Variants in NKAIN3 observed in about 807,000 individuals in gnomAD.
NKAIN3 encodes sodium/potassium transporting ATPase interacting 3.
NKAIN3 carries 25 observed loss-of-function variants against 30.2 expected under a neutral mutation model. The ratio of observed to expected loss-of-function variants is 0.83; its 90% CI spans 0.60 to 1.16. The LOEUF (loss-of-function observed/expected upper bound fraction) is 1.16, where lower values mean the gene tolerates loss of function less well. NKAIN3 is among the 50% of genes most tolerant of loss of function. NKAIN3 has a pLI of 0.00. For missense variants in NKAIN3, 225 were observed against 254.1 expected, an observed-to-expected ratio of 0.89 and a Z score of 0.78; for synonymous variants, 91 against 89.6, an observed-to-expected ratio of 1.02 and a Z score of -0.09.
intron 1 of NKAIN3, among the ~76,000 whole-genome samples, chr8:62,484,316 C>CA (rs1294155427): frequency 6.6e-6 from 1 of 152,230 alleles, no homozygotes; most frequent in Non-Finnish European, 1.5e-5. Context: ...CCTACCCCAA[C>CA]ACCCACCATG....
intron 4 of NKAIN3, among the ~76,000 whole-genome samples, chr8:62,771,895 C>G (rs1205771408): frequency 2.0e-5 from 3 of 152,068 alleles, no homozygotes; most frequent in Non-Finnish European, 4.4e-5. Flanking sequence ...TATATTTATC[C>G]TTTCTTTGTG....
chr8:62,736,718 G>C (rs182708713), intron 3 of NKAIN3, among the ~76,000 whole-genome samples: 46 of 152,218 alleles, frequency 3.0e-4, no homozygotes, highest in South Asian at 8.3e-4. Flanking sequence ...CCCAGATTCT[G>C]TCCAGGAAAA....
In NKAIN3 at chr8:62,351,642, C is replaced by CT. The variant is rs200758442; in HGVS notation, c.54+102516dup. Among the ~76,000 whole-genome samples, 1,045 of 152,068 alleles carry CT rather than the reference C, an allele frequency of 6.9e-3. 9 individuals are homozygous for CT. The highest frequency in any genetic ancestry group is 0.022 in the African/African-American group (911 of 41,502). On this transcript the variant is annotated intron_variant, in intron 1 of 6. Transcript: ENST00000623646. ...GCAAATTGGACAAATTATAACTTCACTACACCTCAGGTATTTTGTTTATGA... is the reference window on the plus strand; with the variant it reads ...GCAAATTGGACAAATTATAACTTCACTTACACCTCAGGTATTTTGTTTATGA...
chr8:62,793,863 A>C (rs1817770264), intron 4 of NKAIN3, among the ~76,000 whole-genome samples: 1 of 152,210 alleles, frequency 6.6e-6, no homozygotes, highest in Non-Finnish European at 1.5e-5. Flanking sequence ...TTTCTACATT[A>C]ATTAATTCCT....
intron 4 of NKAIN3, among the ~76,000 whole-genome samples, chr8:62,867,147 CTA>C (rs1343555733): frequency 2.7e-5 from 4 of 150,174 alleles, no homozygotes; most frequent in African/African-American, 9.8e-5. Context: ...CATAGGGTCT[CTA>C]TTTTTCGTAT....
At chr8:62,587,012 A>G (rs2130092887) in intron 2 of NKAIN3, among the ~76,000 whole-genome samples, 1 of 152,086 alleles carries the variant, frequency 6.6e-6, no homozygotes, top group African/African-American at 2.4e-5. Flanking sequence ...TTAAAAATGG[A>G]GAGTCTTATT....
At chr8:62,279,387 T>C (rs1302301167) in intron 1 of NKAIN3, among the ~76,000 whole-genome samples, 1 of 152,230 alleles carries the variant, frequency 6.6e-6, no homozygotes, top group Non-Finnish European at 1.5e-5. Flanking sequence ...ATAGATTCCA[T>C]TCGTCAATTT....
chr8:62,607,321 T>G (rs1039218160), intron 3 of NKAIN3, among the ~76,000 whole-genome samples: 2 of 152,156 alleles, frequency 1.3e-5, no homozygotes, highest in African/African-American at 4.8e-5. Flanking sequence ...ATATTTCTGC[T>G]GTGGAAGATC....
At chr8:62,285,098 C>G (rs1402662787) in intron 1 of NKAIN3, among the ~76,000 whole-genome samples, 4 of 152,124 alleles carry the variant, frequency 2.6e-5, no homozygotes, top group African/African-American at 9.7e-5. Flanking sequence ...CAATACTCAT[C>G]ATAAAACCAA....
At chr8:62,944,799 G>T (rs1352106522) in intron 5 of NKAIN3, among the ~76,000 whole-genome samples, 4 of 152,114 alleles carry the variant, frequency 2.6e-5, no homozygotes. Flanking sequence ...TGTTGGAAAA[G>T]CACCTCTTAA....
intron 3 of NKAIN3, among the ~76,000 whole-genome samples, chr8:62,606,453 A>G (rs544888053): frequency 6.6e-6 from 1 of 152,260 alleles, no homozygotes; most frequent in South Asian, 2.1e-4. Flanking sequence ...TACTGATTCA[A>G]AAAGTATTTC....
chr8:62,372,304 CTT>C (rs1389363432), intron 1 of NKAIN3, among the ~76,000 whole-genome samples: 15 of 151,840 alleles, frequency 9.9e-5, no homozygotes, highest in Non-Finnish European at 1.5e-5. Flanking sequence ...AATCTTCAGT[CTT>C]ATTTCTCTAG....
intron 4 of NKAIN3, among the ~76,000 whole-genome samples, chr8:62,910,203 G>C (rs1045000636): frequency 2.4e-4 from 36 of 152,192 alleles, no homozygotes; most frequent in Non-Finnish European, 4.3e-4. Flanking sequence ...AGAAAATGCA[G>C]TTAAACCAAT....
In NKAIN3 at chr8:62,726,245, A is replaced by G. The variant is rs140332202; in HGVS notation, c.274-20687A>G. Among the ~76,000 whole-genome samples the G allele has an allele frequency of 1.8e-4, 27 of 152,162 alleles. No individual in the cohort carries two copies. In the East Asian group the frequency reaches 4.8e-3, roughly 27 times the overall value. On this transcript the variant is annotated intron_variant, in intron 3 of 6. Transcript: ENST00000623646. ...TTGGAGTCTTTAGGTTTTTTCTAAC[A>G]TAAGATTATATCAATTGCAAACACG...
rs1050774302 is a variant in NKAIN3, at chr8:62,965,153, A to T, written c.604-201A>T. 5.9e-5 allele frequency among the ~76,000 whole-genome samples: 9 copies of T among 152,112 alleles called. 1 individual carries two copies. The South Asian group carries it at 1.9e-3, about 32-fold the overall frequency. Reference sequence around the variant, plus strand: ...CTTCTCTCCCAGGAAATCATCCTGAACTCTGATGATGATGCCCGATTACCA... The same window carrying T: ...CTTCTCTCCCAGGAAATCATCCTGATCTCTGATGATGATGCCCGATTACCA... On this transcript the variant is annotated intron_variant, in intron 6 of 6. Transcript: ENST00000623646.
intron 5 of NKAIN3, among the ~76,000 whole-genome samples, chr8:62,951,406 T>C (rs1585614857): frequency 6.6e-6 from 1 of 152,336 alleles, no homozygotes; most frequent in African/African-American, 2.4e-5. Context: ...AATTTTAATT[T>C]TTTAATCCAG....
intron 3 of NKAIN3, among the ~76,000 whole-genome samples, chr8:62,675,116 C>T (rs540179000): frequency 4.6e-5 from 7 of 152,146 alleles, no homozygotes; most frequent in East Asian, 1.9e-4. Context: ...TGACCCTCTG[C>T]GAAATGAGGT....
At chr8:62,740,647 T>TTC (rs894023001) in intron 3 of NKAIN3, among the ~76,000 whole-genome samples, 1 of 151,508 alleles carries the variant, frequency 6.6e-6, no homozygotes, top group African/African-American at 2.4e-5. Context: ...GAATATTGTT[T>TTC]TTTTTAGAAC....
intron 3 of NKAIN3, among the ~76,000 whole-genome samples, chr8:62,724,502 T>G (rs2130526246): frequency 6.6e-6 from 1 of 152,174 alleles, no homozygotes; most frequent in Non-Finnish European, 1.5e-5. Context: ...TATATTTTGG[T>G]AACCATTTAC....
Sources: allele counts gnomAD v4.1 joint callset (sites outside exome capture counted in the v4.1 genomes callset), GRCh38; gene constraint gnomAD v4.1.1; transcripts MANE v1.5; gene names NCBI Gene and HGNC (gene_info 2026-07-23, HGNC 2026-07-21).